DYNC1I1: variants seen among roughly 807,000 people sequenced by gnomAD.
DYNC1I1 encodes dynein cytoplasmic 1 intermediate chain 1.
A neutral mutation model predicts 86.6 loss-of-function variants in DYNC1I1; 43 were observed. The ratio of observed to expected loss-of-function variants is 0.50; its 90% CI spans 0.39 to 0.64. The LOEUF (loss-of-function observed/expected upper bound fraction) is 0.64. Ranked by LOEUF, DYNC1I1 falls within the 30% of genes least tolerant of loss-of-function variation. DYNC1I1 has a pLI of 0.00. For synonymous variants in DYNC1I1, 262 were observed against 283.7 expected (o/e 0.92, Z 0.77); for missense variants, 604 against 788.8 (o/e 0.77, Z 2.81).
At chr7:95,952,141 T>C (rs886815070) in intron 6 of DYNC1I1, among the ~76,000 whole-genome samples, 5 of 152,148 alleles carry the variant, frequency 3.3e-5, no homozygotes, top group Non-Finnish European at 7.3e-5. Flanking sequence ...ACCTTCCTTT[T>C]ATTTTTCCTT....
chr7:96,003,366 G>A (rs570151090), intron 10 of DYNC1I1, among the ~76,000 whole-genome samples: 7 of 152,246 alleles, frequency 4.6e-5, no homozygotes, highest in South Asian at 4.2e-4. Flanking sequence ...GCCATTTGCC[G>A]TGCTTAACAC....
At chr7:96,109,134 A>G (rs1237614429) in intron 16 of DYNC1I1, among the ~76,000 whole-genome samples, 1 of 150,186 alleles carries the variant, frequency 6.7e-6, no homozygotes, top group Admixed American at 6.6e-5. Context: ...TCTGATTTTT[A>G]TTTGCCAATT....
rs201577132 is a variant in DYNC1I1, at chr7:95,834,032, C to T, written c.374+5916C>T. Among the ~76,000 whole-genome samples the T allele has an allele frequency of 8.5e-3, 585 of 69,048 alleles. 29 individuals are homozygous for T. The highest frequency in any genetic ancestry group is 0.046 in the East Asian group (82 of 1,790). The allele number at this position is 69,048 out of a possible 152,430, so 45.3% of individuals were successfully genotyped here. ...GTTGAATAGGAGTGGTGAGAGAGGGCATCCCTGTCTTGTGCCAGTTTTCAA... is the reference window on the plus strand; with the variant it reads ...GTTGAATAGGAGTGGTGAGAGAGGGTATCCCTGTCTTGTGCCAGTTTTCAA... On this transcript the variant is annotated intron_variant, in intron 5 of 16. Transcript: ENST00000447467.
chr7:96,035,154 T>C (rs1362025517), intron 12 of DYNC1I1, among the ~76,000 whole-genome samples: 5 of 152,238 alleles, frequency 3.3e-5, no homozygotes, highest in Non-Finnish European at 7.3e-5. Flanking sequence ...TTTTATGACC[T>C]GAGTGACAAC....
intron 6 of DYNC1I1, among the ~76,000 whole-genome samples, chr7:95,976,417 A>G (rs1487752040): frequency 1.3e-5 from 2 of 152,188 alleles, no homozygotes; most frequent in African/African-American, 4.8e-5. Context: ...TAAGTTACTT[A>G]TTTATTTGAG....
At chr7:96,073,205 T>A (rs1790219742) in intron 14 of DYNC1I1, among the ~76,000 whole-genome samples, 1 of 152,184 alleles carries the variant, frequency 6.6e-6, no homozygotes, top group Non-Finnish European at 1.5e-5. Flanking sequence ...AGCCTAGAAT[T>A]ATTTGCACAG....
At chr7:96,043,853 GTGCCCGCCAC>G (rs1789130905) in intron 14 of DYNC1I1, among the ~76,000 whole-genome samples, 1 of 151,840 alleles carries the variant, frequency 6.6e-6, no homozygotes, top group African/African-American at 2.4e-5. Flanking sequence ...GGGATTACAG[GTGCCCGCCAC>G]TACAACTGGC....
chr7:95,838,097 A>T (rs1789166206), intron 5 of DYNC1I1, among the ~76,000 whole-genome samples: 1 of 152,216 alleles, frequency 6.6e-6, no homozygotes, highest in African/African-American at 2.4e-5. Flanking sequence ...ATATCTAAAA[A>T]ATCATTGCCA....
intron 10 of DYNC1I1, among the ~76,000 whole-genome samples, chr7:96,004,341 A>G (rs773019239): frequency 1.3e-5 from 2 of 152,162 alleles, no homozygotes; most frequent in Admixed American, 6.6e-5. Flanking sequence ...TATGCCTTAT[A>G]TGCTACAAAT....
intron 5 of DYNC1I1, among the ~76,000 whole-genome samples, chr7:95,829,192 G>A (rs796951089): frequency 2.6e-5 from 4 of 152,034 alleles, no homozygotes; most frequent in African/African-American, 9.6e-5. Context: ...GGTTCTGTCA[G>A]TTTCAATGCC....
intron 14 of DYNC1I1, among the ~76,000 whole-genome samples, chr7:96,061,517 G>GC (rs1789765535): frequency 6.6e-6 from 1 of 152,062 alleles, no homozygotes; most frequent in Non-Finnish European, 1.5e-5. Flanking sequence ...AGAATAAAGG[G>GC]CATTAGGAGG....
intron 10 of DYNC1I1, among the ~76,000 whole-genome samples, chr7:95,998,469 A>G (rs986474059): frequency 6.6e-6 from 1 of 152,258 alleles, no homozygotes; most frequent in Non-Finnish European, 1.5e-5. Flanking sequence ...GTATATGTGG[A>G]AAAACCAAAG....
intron 7 of DYNC1I1, among the ~76,000 whole-genome samples, chr7:95,978,957 G>A (rs932850827): frequency 7.2e-5 from 11 of 152,054 alleles, no homozygotes; most frequent in African/African-American, 2.4e-4. Context: ...CACCATGCCT[G>A]GCTAATTTTT....
chr7:96,005,530 A>G lies in DYNC1I1; in HGVS notation c.969+9457A>G, dbSNP rs561138335. 8.5e-5 allele frequency among the ~76,000 whole-genome samples: 13 copies of G among 152,290 alleles called. No individual in the cohort carries two copies. The South Asian group carries it at 2.7e-3, about 32-fold the overall frequency. ...CAGGACCCTAAAAGGCTTCATCACT[A>G]AAAGCTTGGCTCCCACTGTCCCCTT... On this transcript the variant is annotated intron_variant, in intron 10 of 16. Coordinates refer to ENST00000447467, the MANE Select transcript of DYNC1I1 (RefSeq NM_001135556.2).
At chr7:96,012,714 CTTAAT>C (rs1794305506) in intron 10 of DYNC1I1, among the ~76,000 whole-genome samples, 1 of 152,002 alleles carries the variant, frequency 6.6e-6, no homozygotes, top group Admixed American at 6.6e-5. Context: ...CTTTGAAGTG[CTTAAT>C]TTATCATTTT....
chr7:95,893,286 C>A (rs1184468544), intron 6 of DYNC1I1, among the ~76,000 whole-genome samples: 1 of 152,172 alleles, frequency 6.6e-6, no homozygotes, highest in African/African-American at 2.4e-5. Flanking sequence ...TTCACTAGCA[C>A]TTGCAGTATG....
chr7:96,072,046 C>T (rs79570839), intron 14 of DYNC1I1, among the ~76,000 whole-genome samples: 11,631 of 152,254 alleles, frequency 0.076, 778 homozygotes, highest in African/African-American at 0.18. Context: ...CTTTCCTGAA[C>T]TGTAATTTTC....
intron 14 of DYNC1I1, among the ~76,000 whole-genome samples, chr7:96,048,955 A>G (rs1335259875): frequency 6.6e-6 from 1 of 152,096 alleles, no homozygotes; most frequent in Non-Finnish European, 1.5e-5. Context: ...AAGCAATCAC[A>G]TCTCTTAAAA....
intron 15 of DYNC1I1, 121 bp downstream of exon 15, chr7:96,076,318 G>A: frequency 2.2e-6 from 3 of 1,390,822 alleles, no homozygotes; most frequent in Admixed American, 5.1e-5. Flanking sequence ...ACTGCAGCAG[G>A]GCTGCCGGCC....
Sources: gnomAD v4.1 joint callset for allele counts (sites outside exome capture counted in the v4.1 genomes callset) on GRCh38, gnomAD v4.1.1 for gene constraint, MANE v1.5 for transcripts, NCBI Gene and HGNC (gene_info 2026-07-23, HGNC 2026-07-21) for gene names.